MAST2: variants seen among roughly 807,000 people sequenced by gnomAD.
MAST2 encodes microtubule associated serine/threonine kinase 2.
A neutral mutation model predicts 147.4 loss-of-function variants in MAST2; 70 were observed. The ratio of observed to expected loss-of-function variants is 0.47; its 90% confidence interval spans 0.39 to 0.58. The LOEUF (loss-of-function observed/expected upper bound fraction) is 0.58. Among genes scored for constraint, MAST2 ranks in the 20% least tolerant of loss-of-function variants. MAST2 has a pLI of 0.00. For synonymous variants in MAST2, 869 were observed against 896.8 expected (o/e 0.97, Z 0.55); for missense variants, 2,080 against 2,302.3 (o/e 0.90, Z 1.98).
chr1:45,916,515 GA>G (rs1024779829), intron 4 of MAST2, among the ~76,000 whole-genome samples: 158 of 152,038 alleles, frequency 1.0e-3, no homozygotes, highest in African/African-American at 3.6e-3. Context: ...GTTTTTATGG[GA>G]AAAAATAACC....
intron 3 of MAST2, among the ~76,000 whole-genome samples, chr1:45,860,731 C>T (rs1275288919): frequency 6.6e-6 from 1 of 151,666 alleles, no homozygotes; most frequent in Non-Finnish European, 1.5e-5. Context: ...ACTCAGGAGG[C>T]TGAGGCAGGA....
chr1:45,909,373 A>T (rs1028711015), intron 4 of MAST2, among the ~76,000 whole-genome samples: 2 of 152,174 alleles, frequency 1.3e-5, no homozygotes, highest in Non-Finnish European at 2.9e-5. Context: ...TTACTTTTCA[A>T]TATCATTTAC....
chr1:45,866,678 A>C (rs923806208), intron 3 of MAST2, among the ~76,000 whole-genome samples: 4 of 152,042 alleles, frequency 2.6e-5, no homozygotes, highest in African/African-American at 9.7e-5. Flanking sequence ...GCCAGATTAC[A>C]TAGCACTGGA....
At chr1:45,893,071 C>A (rs1648109551) in intron 4 of MAST2, among the ~76,000 whole-genome samples, 1 of 152,086 alleles carries the variant, frequency 6.6e-6, no homozygotes, top group South Asian at 2.1e-4. Context: ...AAGTCCTATA[C>A]ATCTATATTT....
rs541789198 is a variant in MAST2 at position 45,827,091 on chromosome 1, G to A, written c.326-2348G>A. On this transcript the variant is annotated intron_variant, in intron 2 of 28. Coordinates refer to ENST00000361297, the MANE Select transcript of MAST2 (RefSeq NM_015112.3). ...GATCCGCCTGCCTCGGCCTCCCAAAGTGCTGGAATTACAGGCGGGAGCCAC... is the reference window on the plus strand; with the variant it reads ...GATCCGCCTGCCTCGGCCTCCCAAAATGCTGGAATTACAGGCGGGAGCCAC... 3.3e-4 allele frequency among the ~76,000 whole-genome samples: 51 copies of A among 152,284 alleles called. 1 individual carries two copies. In the South Asian group the frequency reaches 8.7e-3, roughly 26 times the overall value.
chr1:45,835,531 T>C (rs534706266), intron 3 of MAST2, among the ~76,000 whole-genome samples: 44 of 152,314 alleles, frequency 2.9e-4, no homozygotes, highest in African/African-American at 9.9e-4. Context: ...TTGAACATTT[T>C]ATCATCAGTT....
At chr1:45,922,999 G>A (rs888021986) in intron 4 of MAST2, among the ~76,000 whole-genome samples, 1 of 152,152 alleles carries the variant, frequency 6.6e-6, no homozygotes, top group African/African-American at 2.4e-5. Context: ...TGCTGCTGTG[G>A]GGTGCCGCTT....
chr1:45,853,275 T>A (rs546177748), intron 3 of MAST2, among the ~76,000 whole-genome samples: 1 of 152,242 alleles, frequency 6.6e-6, no homozygotes, highest in South Asian at 2.1e-4. Flanking sequence ...TATAAATTCC[T>A]TGTTGGATAT....
chr1:45,903,360 G>C (rs902065947), intron 4 of MAST2, among the ~76,000 whole-genome samples: 7 of 151,854 alleles, frequency 4.6e-5, no homozygotes, highest in African/African-American at 1.2e-4. Context: ...AAACTCCTGA[G>C]CTCAGGCAAT....
At chr1:45,920,103 C>T (rs1653215217) in intron 4 of MAST2, among the ~76,000 whole-genome samples, 1 of 151,890 alleles carries the variant, frequency 6.6e-6, no homozygotes, top group South Asian at 2.1e-4. Context: ...TATTTGATGC[C>T]CATGTATTGT....
intron 4 of MAST2, among the ~76,000 whole-genome samples, chr1:45,944,507 G>T (rs552739056): frequency 2.0e-5 from 3 of 152,082 alleles, no homozygotes; most frequent in African/African-American, 7.2e-5. Context: ...TTTCCTGAGG[G>T]TAATAATGGT....
chr1:45,848,077 T>C (rs888487899), intron 3 of MAST2, among the ~76,000 whole-genome samples: 1 of 152,252 alleles, frequency 6.6e-6, no homozygotes, highest in Non-Finnish European at 1.5e-5. Context: ...TCTTCATTTT[T>C]GCAATATGTC....
intron 5 of MAST2, among the ~76,000 whole-genome samples, chr1:45,978,015 A>G (rs1214800692): frequency 6.6e-6 from 1 of 152,148 alleles, no homozygotes; most frequent in Non-Finnish European, 1.5e-5. Context: ...GAGGAGTTCG[A>G]GACCAGCCTG....
chr1:45,997,682 C>A (rs777151623), intron 5 of MAST2, 42 bp from the exon 6 acceptor site: 1 of 1,522,178 alleles, frequency 6.6e-7, no homozygotes, highest in South Asian at 1.1e-5. Flanking sequence ...ACCCTCCTCA[C>A]AAGCAAACCT....
chr1:45,855,756 C>CATTTCT (rs1645768486), intron 3 of MAST2, among the ~76,000 whole-genome samples: 1 of 152,076 alleles, frequency 6.6e-6, no homozygotes, highest in Non-Finnish European at 1.5e-5. Context: ...GTAGATTGAG[C>CATTTCT]ATTTCTACAT....
chr1:45,891,884 G>A (rs935746825), intron 4 of MAST2, among the ~76,000 whole-genome samples: 6 of 152,076 alleles, frequency 3.9e-5, no homozygotes, highest in African/African-American at 1.2e-4. Context: ...GGCTAGGAAG[G>A]CAAGCCTAAG....
intron 3 of MAST2, among the ~76,000 whole-genome samples, chr1:45,845,038 A>G (rs1645387529): frequency 1.3e-5 from 2 of 152,110 alleles, no homozygotes; most frequent in African/African-American, 4.8e-5. Context: ...TTCATGACTT[A>G]AACACCTCTC....
intron 10 of MAST2, among the ~76,000 whole-genome samples, chr1:46,013,416 C>T (rs1042066828): frequency 6.6e-6 from 1 of 152,116 alleles, no homozygotes; most frequent in African/African-American, 2.4e-5. Context: ...TGCGGTGGCT[C>T]ACTCCTGTAA....
At chr1:45,980,901 C>T (rs973402892) in intron 5 of MAST2, among the ~76,000 whole-genome samples, 1 of 152,106 alleles carries the variant, frequency 6.6e-6, no homozygotes, top group Admixed American at 6.5e-5. Context: ...TTGTAACCAT[C>T]CAATGGGTCC....
Sources: gnomAD v4.1 joint callset for allele counts (sites outside exome capture counted in the v4.1 genomes callset) on GRCh38, gnomAD v4.1.1 for gene constraint, MANE v1.5 for transcripts, NCBI Gene and HGNC (gene_info 2026-07-23, HGNC 2026-07-21) for gene names.